Variants in GCKR observed in about 807,000 individuals in gnomAD.
GCKR encodes glucokinase regulator, also known as glucokinase regulatory protein.
A neutral mutation model predicts 82.9 loss-of-function variants in GCKR; 73 were observed. The ratio of observed to expected loss-of-function variants is 0.88; its 90% CI spans 0.73 to 1.07. GCKR has a LOEUF of 1.07. Ranked by LOEUF, GCKR falls within the 50% of genes least tolerant of loss-of-function variation. The pLI is 0.00. For missense variants in GCKR, 784 were observed against 782.1 expected (o/e 1.00, Z -0.03); for synonymous variants, 294 against 291.8 (o/e 1.01, Z -0.08).
intron 1 of GCKR, 54 bp downstream of exon 1, chr2:27,497,018 C>A: frequency 1.4e-6 from 2 of 1,449,036 alleles, no homozygotes; most frequent in South Asian, 1.1e-5. Flanking sequence ...AATTATTTTT[C>A]ATCCAGTCTT....
rs779588909 is a variant in GCKR, at chr2:27,523,238, G to A, written c.1708-31G>A. 3.1e-6 allele frequency: 5 copies of A among 1,600,750 alleles called. No individual in the cohort carries two copies. The South Asian group carries it at 5.5e-5, about 18-fold the overall frequency. ...TTTCTCTGATGACCTCATTCCCTCA[G>A]GCTTCAGTGCCCACTGCCTCTTCCC... On this transcript the variant is annotated intron_variant, in intron 18 of 18. Transcript: ENST00000264717.
chr2:27,506,789 C>G lies in GCKR; in HGVS notation c.970C>G (p.Leu324Val). The G allele has an allele frequency of 6.2e-7, 1 of 1,602,876 alleles. No individual in the cohort carries two copies. The highest frequency in any genetic ancestry group is 8.5e-7 in the Non-Finnish European group (1 of 1,169,742). ...ATLMKSVSTS[L>V]EKKGHVYLVG... ...TCCTGACCTCTGACCCATTCTCAGTCTGGAGAAGAAAGGCCACGTGTACCT... is the reference window on the plus strand; with the variant it reads ...TCCTGACCTCTGACCCATTCTCAGTGTGGAGAAGAAAGGCCACGTGTACCT... Residue 324 changes from leucine to valine, a missense_variant and splice_region_variant, in exon 12 of 19, where the codon CTG becomes GTG. By Grantham distance (32) the Leu-to-Val change is conservative. Coordinates refer to ENST00000264717, the MANE Select transcript of GCKR (RefSeq NM_001486.4).
intron 1 of GCKR, 138 bp from the exon 2 acceptor site, chr2:27,497,106 G>A (rs1669430685): frequency 3.2e-6 from 4 of 1,242,172 alleles, no homozygotes; most frequent in Admixed American, 3.4e-5. Flanking sequence ...ACCAAGTGCA[G>A]GCTGAGTTTC....
chr2:27,522,856 C>T (rs763283606), intron 18 of GCKR, among the ~76,000 whole-genome samples: 4 of 151,690 alleles, frequency 2.6e-5, no homozygotes, highest in African/African-American at 9.7e-5. Context: ...CCTAGTGGCT[C>T]CTGATTCCTG....
chr2:27,505,895 T>C (rs967437565), intron 10 of GCKR, 59 bp downstream of exon 10: 9 of 955,570 alleles, frequency 9.4e-6, no homozygotes, highest in Middle Eastern at 2.1e-4. Context: ...ATGGTGTGGA[T>C]GGAGATTGGC....
intron 6 of GCKR, 47 bp downstream of exon 6, chr2:27,499,255 T>C (rs1201498651): frequency 1.4e-6 from 2 of 1,444,000 alleles, no homozygotes; most frequent in Non-Finnish European, 2.0e-6. Flanking sequence ...ATCTGTTCCT[T>C]CTCATGGGGA....
chr2:27,513,039 C>T (rs1159366507), intron 16 of GCKR, among the ~76,000 whole-genome samples: 2 of 152,218 alleles, frequency 1.3e-5, no homozygotes, highest in East Asian at 3.9e-4. Flanking sequence ...ATTGGTGATG[C>T]TACATTCCAT....
intron 16 of GCKR, among the ~76,000 whole-genome samples, chr2:27,509,249 G>A (rs904297467): frequency 6.6e-6 from 1 of 152,170 alleles, no homozygotes; most frequent in African/African-American, 2.4e-5. Flanking sequence ...AGACACAGCT[G>A]AAACACTGAC....
rs768048286 is a variant in GCKR, at chr2:27,499,444, ACT to A, written c.548_549del (p.Ser183CysfsTer34). ...TGATTGTCATTGGCATTTCTGTGGG[ACT>A]CTCTGTGAGTAAAAAGATGGGTTGA... ...RVIVIGISVG[L>X]SAPFVAGQMD... is the part of the protein sequence containing the mutation. On this transcript the variant is annotated frameshift_variant, in exon 7 of 19. Transcript: ENST00000264717. LOFTEE classifies it high-confidence loss of function. 1.7e-4 allele frequency: 277 copies of A among 1,607,852 alleles called. No homozygotes were observed. Among genetic ancestry groups the A allele is most frequent in the Admixed American group, 1.3e-4 (8 of 59,972 alleles).
At chr2:27,500,408 G>T (rs1273950346) in intron 7 of GCKR, among the ~76,000 whole-genome samples, 1 of 152,202 alleles carries the variant, frequency 6.6e-6, no homozygotes, top group Non-Finnish European at 1.5e-5. Flanking sequence ...AAATTGCTGG[G>T]ATTACAGGCA....
intron 10 of GCKR, 55 bp from the exon 11 acceptor site, chr2:27,506,425 TA>T: frequency 8.4e-7 from 1 of 1,188,578 alleles, no homozygotes. Context: ...GGGAGGCACC[TA>T]AGCTTTCTGA....
Position 27,507,722 on chromosome 2 carries a change from C to T in GCKR, c.1185C>T (p.Ser395=), listed in dbSNP as rs1392965882. ...FTFSQEDFLT[S]ILPSLTEIDT... ...TCTCCCAGGAGGACTTCCTGACTTC[C>T]ATCCTTCCCTCTCTCACGGAAATCG... Residue 395 remains serine (S), a synonymous_variant, in exon 14 of 19, where the codon TCC becomes TCT. Coordinates refer to ENST00000264717, the MANE Select transcript of GCKR (RefSeq NM_001486.4). The T allele has an allele frequency of 1.2e-6, 2 of 1,610,374 alleles. No homozygotes were observed. The highest frequency in any genetic ancestry group is 1.3e-5 in the African/African-American group (1 of 74,968).
chr2:27,505,894 A>T, intron 10 of GCKR, 58 bp downstream of exon 10: 2 of 959,524 alleles, frequency 2.1e-6, no homozygotes, highest in Non-Finnish European at 1.7e-6. Context: ...GATGGTGTGG[A>T]TGGAGATTGG....
chr2:27,503,495 G>T lies in GCKR; in HGVS notation c.645-19G>T, dbSNP rs1558435462. The T allele has an allele frequency of 7.7e-7, 1 of 1,306,520 alleles. No individual in the cohort carries two copies. The highest frequency in any genetic ancestry group is 2.3e-5 in the East Asian group (1 of 43,496). 80.9% of individuals were successfully genotyped at this position (1,306,520 alleles called of 1,614,324 possible). Reference sequence around the variant, plus strand: ...TCCTCATAGACAATCTCCCCACCTTGTGTCTCTCTGGACCTCAGAAATGAC... The same window carrying T: ...TCCTCATAGACAATCTCCCCACCTTTTGTCTCTCTGGACCTCAGAAATGAC... On this transcript the variant is annotated intron_variant, in intron 8 of 18. Coordinates refer to ENST00000264717, the MANE Select transcript of GCKR (RefSeq NM_001486.4).
rs762876874 is a variant in GCKR at position 27,522,495 on chromosome 2, G to A, written c.1608G>A (p.Glu536=). 2 of 1,613,684 alleles carry A rather than the reference G, an allele frequency of 1.2e-6. No homozygotes were observed. Among genetic ancestry groups the A allele is most frequent in the South Asian group, 2.2e-5 (2 of 91,074 alleles). ...FSGQSKARCI[E]SLLRAIHFPQ... is the part of the protein sequence containing the mutation. ...GACAGTCCAAGGCTCGATGCATCGA[G>A]AGCCTCCTCCGAGCGATCCACTTTC... The change falls in exon 18 of 19, where the codon GAG becomes GAA. Residue 536 remains glutamate (E), a synonymous_variant. Transcript: ENST00000264717.
At position 27,523,563 on chromosome 2, in the gene GCKR, C is replaced by G; in HGVS notation, c.*124C>G. On this transcript the variant is annotated 3_prime_UTR_variant, in exon 19 of 19. Coordinates refer to ENST00000264717, the MANE Select transcript of GCKR (RefSeq NM_001486.4). The stretch of plus-strand genomic sequence containing the variant: ...GCCCCGTTTCCAGGGCATCCGCAGC[C>G]CAGGGTAGGGAGAAATATTCTCTCC... 1 of 924,040 alleles carries G rather than the reference C, an allele frequency of 1.1e-6. No individual in the cohort carries two copies. The highest frequency in any genetic ancestry group is 1.7e-6 in the Non-Finnish European group (1 of 583,868). The allele number at this position is 924,040 out of a possible 1,614,324, so 57.2% of individuals were successfully genotyped here. A position where few individuals can be genotyped will look rare whatever the true frequency, so the allele number is the denominator to read the frequency against.
At chr2:27,507,534 C>T (rs1201963623) in intron 13 of GCKR, 147 bp from the exon 14 acceptor site, 1 of 691,296 alleles carries the variant, frequency 1.4e-6, no homozygotes. Flanking sequence ...GTTACATAAT[C>T]TTGGGCAAAA....
intron 18 of GCKR, 75 bp downstream of exon 18, chr2:27,522,669 C>T (rs1430723891): frequency 1.7e-5 from 22 of 1,296,828 alleles, no homozygotes; most frequent in Non-Finnish European, 1.3e-5. Flanking sequence ...TTGTTCGGCA[C>T]TGGGTTTACA....
intron 16 of GCKR, among the ~76,000 whole-genome samples, chr2:27,510,823 G>C (rs1440288621): frequency 6.6e-6 from 1 of 151,550 alleles, no homozygotes; most frequent in Non-Finnish European, 1.5e-5. Context: ...TCTTTGGGGG[G>C]TATTTTTTTT....
Sources: allele counts gnomAD v4.1 joint callset (sites outside exome capture counted in the v4.1 genomes callset), GRCh38; gene constraint gnomAD v4.1.1; transcripts MANE v1.5; gene names NCBI Gene and HGNC (gene_info 2026-07-23, HGNC 2026-07-21).